Variants in KIAA0040 observed in about 807,000 individuals in gnomAD.
KIAA0040 encodes the protein KIAA0040.
KIAA0040 carries 10 observed loss-of-function variants against 7.2 expected under a neutral mutation model. That is an observed-to-expected ratio of 1.38 (90% CI 0.85 to 2.34). KIAA0040 has a LOEUF of 2.34. Ranked by LOEUF, KIAA0040 falls within the 30% of genes most tolerant of loss-of-function variation. The probability of loss-of-function intolerance (pLI) is 0.00; values close to 1 mark genes in which losing one functional copy is unlikely to be tolerated. For missense variants in KIAA0040, 89 were observed against 108.2 expected, an observed-to-expected ratio of 0.82 and a Z score of 0.79; for synonymous variants, 49 against 40.1, an observed-to-expected ratio of 1.22 and a Z score of -0.84.
rs1676484799 is a variant in KIAA0040 at position 175,160,494 on chromosome 1, G to T, written c.*220C>A. The stretch of plus-strand genomic sequence containing the variant: ...GCCTGGGTCTGCAGTAAGGAGCATT[G>T]CTATTGGACACATAGCTGCCAAGAC... On this transcript the variant is annotated 3_prime_UTR_variant, in exon 4 of 4. Transcript: ENST00000423313. 3.6e-6 allele frequency: 2 copies of T among 550,438 alleles called. No individual in the cohort carries two copies. Among genetic ancestry groups the T allele is most frequent in the Non-Finnish European group, 6.4e-6 (2 of 310,492 alleles). 34.1% of individuals were successfully genotyped at this position (550,438 alleles called of 1,614,324 possible). A position where few individuals can be genotyped will look rare whatever the true frequency, so the allele number is the denominator to read the frequency against.
intron 1 of KIAA0040, among the ~76,000 whole-genome samples, chr1:175,182,973 T>C (rs1370717506): frequency 2.0e-5 from 3 of 152,178 alleles, no homozygotes; most frequent in Admixed American, 1.3e-4. Flanking sequence ...CCTGTGTGCA[T>C]GATGGAAAGA....
chr1:175,182,850 C>T (rs1208546449), intron 1 of KIAA0040, among the ~76,000 whole-genome samples: 2 of 152,206 alleles, frequency 1.3e-5, no homozygotes, highest in East Asian at 3.8e-4. Flanking sequence ...AGCACATCTT[C>T]AGTGCATGTT....
intron 1 of KIAA0040, among the ~76,000 whole-genome samples, chr1:175,179,130 G>C (rs1285423414): frequency 6.6e-6 from 1 of 152,122 alleles, no homozygotes; most frequent in African/African-American, 2.4e-5. Context: ...AACAGGTACA[G>C]AGTTCGAGAT....
rs1308811998 is a variant in KIAA0040, at chr1:175,158,035, T to C, written c.*2679A>G. 1 of 152,220 alleles carries C rather than the reference T, an allele frequency of 6.6e-6. No homozygotes were observed. Among genetic ancestry groups the C allele is most frequent in the Non-Finnish European group, 1.5e-5 (1 of 68,224 alleles). The allele number at this position is 152,220 out of a possible 1,614,324, so 9.4% of individuals were successfully genotyped here. A position where few individuals can be genotyped will look rare whatever the true frequency, so the allele number is the denominator to read the frequency against. On this transcript the variant is annotated 3_prime_UTR_variant, in exon 4 of 4. Transcript: ENST00000423313. ...GGCAGAAGAGGGAATCAGAGAAGCA[T>C]AAAACATGGAGAAAAAGATGAGAAG...
chr1:175,187,778 C>A (rs1351438221), intron 1 of KIAA0040, among the ~76,000 whole-genome samples: 4 of 152,140 alleles, frequency 2.6e-5, no homozygotes, highest in Admixed American at 2.0e-4. Context: ...GCCCACAGCT[C>A]TTTTCCCTGT....
At chr1:175,172,799 G>A (rs1677039264) in intron 2 of KIAA0040, among the ~76,000 whole-genome samples, 2 of 152,234 alleles carry the variant, frequency 1.3e-5, no homozygotes, top group African/African-American at 4.8e-5. Context: ...CTGAATGGAT[G>A]AATGAATTAA....
chr1:175,166,366 C>T (rs1035637386), intron 3 of KIAA0040, among the ~76,000 whole-genome samples, 196 bp downstream of exon 3: 1 of 152,170 alleles, frequency 6.6e-6, no homozygotes, highest in Non-Finnish European at 1.5e-5. Context: ...CTCCTGGAGA[C>T]TCTGATTCAG....
chr1:175,157,206 A>G lies in KIAA0040; in HGVS notation c.*3508T>C, dbSNP rs1474067887. 1 of 152,048 alleles carries G rather than the reference A, an allele frequency of 6.6e-6. No individual in the cohort carries two copies. Among genetic ancestry groups the G allele is most frequent in the African/African-American group, 2.4e-5 (1 of 41,404 alleles). 9.4% of individuals were successfully genotyped at this position (152,048 alleles called of 1,614,324 possible). ...GTCCATTCTTCCTTAGGTTTTTGCTATTTCCCCCCTTTTCCTTTAAGAAGC... is the reference window on the plus strand; with the variant it reads ...GTCCATTCTTCCTTAGGTTTTTGCTGTTTCCCCCCTTTTCCTTTAAGAAGC... On this transcript the variant is annotated 3_prime_UTR_variant, in exon 4 of 4. Coordinates refer to ENST00000423313, the MANE Select transcript of KIAA0040 (RefSeq NM_014656.3).
Position 175,159,475 on chromosome 1 carries a change from G to A in KIAA0040, c.*1239C>T, listed in dbSNP as rs534277991. 1 of 152,240 alleles carries A rather than the reference G, an allele frequency of 6.6e-6. No homozygotes were observed. The highest frequency in any genetic ancestry group is 1.5e-5 in the Non-Finnish European group (1 of 68,040). 9.4% of individuals were successfully genotyped at this position (152,240 alleles called of 1,614,324 possible). A position where few individuals can be genotyped will look rare whatever the true frequency, so the allele number is the denominator to read the frequency against. The stretch of plus-strand genomic sequence containing the variant: ...CAACAGTAACCACAGTTAGTTATAA[G>A]TACCTACTGTGTGCAAGGCACTTGC... On this transcript the variant is annotated 3_prime_UTR_variant, in exon 4 of 4. Coordinates refer to ENST00000423313, the MANE Select transcript of KIAA0040 (RefSeq NM_014656.3).
intron 2 of KIAA0040, among the ~76,000 whole-genome samples, chr1:175,170,597 A>T (rs537667113): frequency 1.8e-4 from 27 of 152,262 alleles, no homozygotes; most frequent in African/African-American, 6.3e-4. Context: ...GAATTCCTTC[A>T]ACACTCGGAC....
chr1:175,183,196 A>G (rs1271606981), intron 1 of KIAA0040, among the ~76,000 whole-genome samples: 2 of 152,196 alleles, frequency 1.3e-5, no homozygotes, highest in Non-Finnish European at 2.9e-5. Flanking sequence ...GATAGTACAG[A>G]GGCTGCTCCT....
chr1:175,163,162 TTG>T (rs1676619905), intron 3 of KIAA0040, among the ~76,000 whole-genome samples: 1 of 152,180 alleles, frequency 6.6e-6, no homozygotes, highest in African/African-American at 2.4e-5. Flanking sequence ...TCCTATTCCT[TTG>T]TGTGGAATTA....
chr1:175,178,961 G>T (rs968758640), intron 1 of KIAA0040, among the ~76,000 whole-genome samples: 1 of 99,668 alleles, frequency 1.0e-5, no homozygotes, highest in Non-Finnish European at 2.3e-5. Flanking sequence ...ATCAGAGTGG[G>T]GGACGGGGCG....
chr1:175,183,782 C>T (rs1677539599), intron 1 of KIAA0040, among the ~76,000 whole-genome samples: 2 of 152,228 alleles, frequency 1.3e-5, no homozygotes, highest in South Asian at 4.1e-4. Flanking sequence ...GCTTTTCTCA[C>T]AGCTCTCAAT....
intron 1 of KIAA0040, among the ~76,000 whole-genome samples, chr1:175,180,763 T>C (rs770280016): frequency 1.3e-5 from 2 of 152,218 alleles, no homozygotes; most frequent in Non-Finnish European, 2.9e-5. Flanking sequence ...GGTGCCATGT[T>C]GAATATCAAG....
At chr1:175,174,956 A>G (rs1273387991) in intron 2 of KIAA0040, among the ~76,000 whole-genome samples, 1 of 152,110 alleles carries the variant, frequency 6.6e-6, no homozygotes, top group East Asian at 1.9e-4. Context: ...TTTGGAGCCA[A>G]TGTTTGTGGG....
intron 1 of KIAA0040, among the ~76,000 whole-genome samples, chr1:175,185,361 G>A (rs1306813234): frequency 4.6e-5 from 7 of 152,346 alleles, no homozygotes; most frequent in Non-Finnish European, 7.4e-5. Flanking sequence ...CACCATAAAT[G>A]TTGCTGTTGT....
At chr1:175,174,620 T>C (rs1422867867) in intron 2 of KIAA0040, among the ~76,000 whole-genome samples, 1 of 152,216 alleles carries the variant, frequency 6.6e-6, no homozygotes, top group African/African-American at 2.4e-5. Flanking sequence ...TAGGGGATTA[T>C]ATTAAAAGGC....
At position 175,160,952 on chromosome 1, in the gene KIAA0040, T is replaced by C; in HGVS notation, c.62A>G (p.Glu21Gly). The stretch of plus-strand genomic sequence containing the variant: ...CAGGCAGATGGTGTTGTAGATGCCT[T>C]CTTGGTGTTTGGTCAAGATGGTGTC... ...IWDTILTKHQ[E>G]GIYNTICLGV... Residue 21 changes from glutamate to glycine, a missense_variant, in exon 4 of 4, where the codon GAA (glutamate) becomes GGA (glycine). Physicochemically the swap from Glu to Gly is moderately conservative, Grantham distance 98. Coordinates refer to ENST00000423313, the MANE Select transcript of KIAA0040 (RefSeq NM_014656.3). 6.4e-7 allele frequency: 1 copy of C among 1,551,526 alleles called. No individual in the cohort carries two copies. Among genetic ancestry groups the C allele is most frequent in the South Asian group, 1.2e-5 (1 of 84,036 alleles).
Sources: gnomAD v4.1 joint callset for allele counts (sites outside exome capture counted in the v4.1 genomes callset) on GRCh38, gnomAD v4.1.1 for gene constraint, MANE v1.5 for transcripts, NCBI Gene and HGNC (gene_info 2026-07-23, HGNC 2026-07-21) for gene names.